TARS1: variants seen among roughly 807,000 people sequenced by gnomAD.
TARS1 encodes the protein threonyl-tRNA synthetase 1.
A neutral mutation model predicts 97.7 loss-of-function variants in TARS1; 57 were observed. The ratio of observed to expected loss-of-function variants is 0.58; its 90% CI spans 0.47 to 0.73. TARS1 has a LOEUF of 0.73. Ranked by LOEUF, TARS1 falls within the 30% of genes least tolerant of loss-of-function variation. The pLI is 0.00. For missense variants in TARS1, 806 were observed against 888.3 expected (o/e 0.91, Z 1.18); for synonymous variants, 312 against 293.7 (o/e 1.06, Z -0.64).
chr5:33,461,774 G>C (rs1253798444), intron 14 of TARS1, 30 bp downstream of exon 14: 16 of 1,606,274 alleles, frequency 1.0e-5, no homozygotes, highest in Non-Finnish European at 1.4e-5. Context: ...TGGGTAATAT[G>C]ATTTTCACTT....
chr5:33,453,176 A>C, intron 3 of TARS1, 113 bp from the exon 4 acceptor site: 3 of 1,240,304 alleles, frequency 2.4e-6, no homozygotes, highest in Non-Finnish European at 3.1e-6. Flanking sequence ...ATAGAGATAC[A>C]TCAATATAAA....
In TARS1 at chr5:33,461,689, A is replaced by C. The variant is rs751777811; in HGVS notation, c.1574A>C (p.Glu525Ala). Residue 525 changes from glutamate (E) to alanine (A), a missense_variant, in exon 14 of 19, where the codon GAA becomes GCA. By Grantham distance (107) the Glu-to-Ala change is moderately radical. This residue lies in a region of TARS1 where 446 missense variants were observed against 511.0 expected (regional missense o/e 0.87). Coordinates refer to ENST00000265112, the MANE Select transcript of TARS1 (RefSeq NM_152295.5). ...AEKQLENSLN[E>A]FGEKWELNSG... ...CAGCAACTTGAAAACAGTCTGAATG[A>C]ATTTGGTGAAAAGTGGGAGTTAAAC... is the stretch of plus-strand genomic sequence containing the variant. 7 of 1,613,992 alleles carry C rather than the reference A, an allele frequency of 4.3e-6. No individual in the cohort carries two copies. In the East Asian group the frequency reaches 6.7e-5, roughly 15 times the overall value.
chr5:33,455,160 A>G (rs1268563509), intron 5 of TARS1, 94 bp downstream of exon 5: 10 of 1,465,444 alleles, frequency 6.8e-6, no homozygotes, highest in Non-Finnish European at 9.2e-6. Flanking sequence ...AATGATATAG[A>G]TCTCACTGCT....
intron 3 of TARS1, among the ~76,000 whole-genome samples, chr5:33,449,647 G>A (rs1397181142): frequency 6.6e-6 from 1 of 151,510 alleles, no homozygotes; most frequent in Admixed American, 6.6e-5. Context: ...AGTAGAGACG[G>A]GGTTTCACCG....
intron 4 of TARS1, among the ~76,000 whole-genome samples, chr5:33,454,037 C>T (rs1449582739): frequency 6.6e-6 from 1 of 152,114 alleles, no homozygotes; most frequent in African/African-American, 2.4e-5. Context: ...TATGAACACT[C>T]TAGCAAGATA....
At position 33,440,995 on chromosome 5, in the gene TARS1, G is replaced by C; in HGVS notation, c.-92G>C. ...CATCAGCTGGTCCAGCCGAGGCCAA[G>C]TCCCGGGCGCTAGCCCACCTCCCAC... On this transcript the variant is annotated 5_prime_UTR_variant, in exon 1 of 19. Transcript: ENST00000265112. 6.5e-7 allele frequency: 1 copy of C among 1,547,892 alleles called. No individual in the cohort carries two copies. Among genetic ancestry groups the C allele is most frequent in the South Asian group, 1.1e-5 (1 of 88,048 alleles).
Position 33,461,918 on chromosome 5 carries a change from A to G in TARS1, c.1642A>G (p.Ile548Val). ...AFYGPKIDIQ[I>V]KDAIGRYHQC... is the part of the protein sequence containing the mutation. The stretch of plus-strand genomic sequence containing the variant: ...CTTTGCTTCTTAGATTGACATACAG[A>G]TTAAAGATGCGATTGGGCGGTACCA... The change falls in exon 15 of 19, where the codon ATT (isoleucine) becomes GTT (valine). Residue 548 changes from isoleucine (I) to valine (V), a missense_variant. By Grantham distance (29) the Ile-to-Val change is conservative. Coordinates refer to ENST00000265112, the MANE Select transcript of TARS1 (RefSeq NM_152295.5). 6.2e-7 allele frequency: 1 copy of G among 1,613,846 alleles called. No homozygotes were observed. The highest frequency in any genetic ancestry group is 8.5e-7 in the Non-Finnish European group (1 of 1,179,772).
intron 4 of TARS1, among the ~76,000 whole-genome samples, chr5:33,454,394 A>T (rs533232112): frequency 1.3e-4 from 20 of 152,358 alleles, no homozygotes; most frequent in African/African-American, 4.1e-4. Context: ...GACTCATCCC[A>T]GTGATTACTT....
At chr5:33,456,353 T>A in intron 8 of TARS1, 126 bp downstream of exon 8, 4 of 760,140 alleles carry the variant, frequency 5.3e-6, no homozygotes, top group Non-Finnish European at 8.4e-6. Context: ...TCATGCTCTC[T>A]ATTAACTGGG....
At chr5:33,446,619 G>A in intron 2 of TARS1, 1 of 1,245,246 alleles carries the variant, frequency 8.0e-7, no homozygotes, top group Non-Finnish European at 1.1e-6. Context: ...CAACTTGCAG[G>A]TTTTATTCAT....
At position 33,461,989 on chromosome 5, in the gene TARS1, T is replaced by TA; in HGVS notation, c.1715dup (p.Asn572LysfsTer8). On this transcript the variant is annotated frameshift_variant, in exon 15 of 19. Coordinates refer to ENST00000265112, the MANE Select transcript of TARS1 (RefSeq NM_152295.5). LOFTEE classifies it high-confidence loss of function. Reference sequence around the variant, plus strand: ...TGGATTTCCAGTTGCCCATCAGATTTAATCTTACTTATGTAAGGTGAGTTT... The same window carrying TA: ...TGGATTTCCAGTTGCCCATCAGATTTAAATCTTACTTATGTAAGGTGAGTTT... 1.2e-6 allele frequency: 2 copies of TA among 1,613,948 alleles called. No homozygotes were observed. The highest frequency in any genetic ancestry group is 1.7e-6 in the Non-Finnish European group (2 of 1,179,830).
intron 17 of TARS1, 72 bp from the exon 18 acceptor site, chr5:33,466,799 A>T (rs1193318146): frequency 1.9e-6 from 2 of 1,078,110 alleles, no homozygotes; most frequent in Non-Finnish European, 2.7e-6. Context: ...CCCTGTGTTC[A>T]GTAAAATCAT....
intron 3 of TARS1, chr5:33,452,429 C>CT (rs1355503446): frequency 4.4e-5 from 68 of 1,535,136 alleles, no homozygotes; most frequent in Non-Finnish European, 5.7e-5. Flanking sequence ...ATGGCCTCCT[C>CT]TTTTCTTCCT....
At chr5:33,442,459 T>C (rs1741158007) in intron 1 of TARS1, among the ~76,000 whole-genome samples, 1 of 152,170 alleles carries the variant, frequency 6.6e-6, no homozygotes, top group Non-Finnish European at 1.5e-5. Context: ...CTGTAATAAT[T>C]ATACAATAGT....
chr5:33,449,086 A>G (rs1428818773), intron 3 of TARS1, among the ~76,000 whole-genome samples: 1 of 152,166 alleles, frequency 6.6e-6, no homozygotes, highest in African/African-American at 2.4e-5. Flanking sequence ...TCTCACATGG[A>G]AAGGTTAAGA....
chr5:33,444,922 A>T (rs762781653), intron 1 of TARS1, among the ~76,000 whole-genome samples: 1 of 149,642 alleles, frequency 6.7e-6, no homozygotes, highest in Non-Finnish European at 1.5e-5. Context: ...TTTTGTTAGC[A>T]CTGGTGGAAT....
At chr5:33,448,294 A>G (rs369059712) in intron 2 of TARS1, among the ~76,000 whole-genome samples, 15 of 152,370 alleles carry the variant, frequency 9.8e-5, no homozygotes, top group African/African-American at 3.6e-4. Flanking sequence ...AGAAAAGACC[A>G]CTTGCTGTAA....
chr5:33,464,398 G>C (rs1240463728), intron 17 of TARS1, among the ~76,000 whole-genome samples: 1 of 152,144 alleles, frequency 6.6e-6, no homozygotes, highest in African/African-American at 2.4e-5. Flanking sequence ...CAGGTTAATA[G>C]TATAGCAGAC....
chr5:33,454,151 A>G (rs1741897068), intron 4 of TARS1, among the ~76,000 whole-genome samples: 1 of 152,178 alleles, frequency 6.6e-6, no homozygotes, highest in African/African-American at 2.4e-5. Flanking sequence ...GCTGGATAAC[A>G]CTATAAAAGT....
Sources: gnomAD v4.1 joint callset for allele counts (sites outside exome capture counted in the v4.1 genomes callset) on GRCh38, gnomAD v4.1.1 for gene constraint, gnomAD v4.1.1 regional missense constraint, MANE v1.5 for transcripts, NCBI Gene and HGNC (gene_info 2026-07-23, HGNC 2026-07-21) for gene names.